The following PPP2R2C variants were observed in gnomAD, a reference collection of about 807,000 sequenced individuals.
PPP2R2C encodes protein phosphatase 2, regulatory subunit B, gamma.
A neutral mutation model predicts 45.3 loss-of-function variants in PPP2R2C; 10 were observed. That is an observed-to-expected ratio of 0.22 (90% confidence interval 0.14 to 0.37). The LOEUF is 0.37. Among genes scored for constraint, PPP2R2C ranks in the 10% least tolerant of loss-of-function variants. The pLI is 1.00. For missense variants in PPP2R2C, 308 were observed against 619.7 expected (o/e 0.50, Z 5.34); for synonymous variants, 257 against 245.4 (o/e 1.05, Z -0.44).
chr4:6,347,910 G>A lies in PPP2R2C; in HGVS notation c.726C>T (p.Ser242=), dbSNP rs745699183. 1.9e-6 allele frequency: 3 copies of A among 1,613,896 alleles called. No homozygotes were observed. The highest frequency in any genetic ancestry group is 2.7e-5 in the African/African-American group (2 of 74,912). ...PHHCNLFVYS[S]SKGSLRLCDM... is the part of the protein sequence containing the mutation. Reference sequence around the variant, plus strand: ...CGCAGAGCCGCAGGGAGCCCTTGCTGCTGCTGTAGACGAAGAGGTTGCAGT... The same window carrying A: ...CGCAGAGCCGCAGGGAGCCCTTGCTACTGCTGTAGACGAAGAGGTTGCAGT... The change falls in exon 6 of 9, where the codon AGC becomes AGT. Residue 242 remains serine, a synonymous_variant. Transcript: ENST00000382599.
At chr4:6,349,398 G>A (rs754027279) in intron 5 of PPP2R2C, 15 of 970,202 alleles carry the variant, frequency 1.5e-5, no homozygotes, top group African/African-American at 1.8e-5. Flanking sequence ...TTATCACTTC[G>A]CTGTGAAGAT....
intron 1 of PPP2R2C, among the ~76,000 whole-genome samples, chr4:6,448,046 A>G (rs1181118367): frequency 1.3e-5 from 2 of 152,146 alleles, no homozygotes; most frequent in Non-Finnish European, 2.9e-5. Flanking sequence ...TGGGAGCCGC[A>G]CTACGACCGG....
chr4:6,416,576 A>T (rs1341078472), intron 1 of PPP2R2C, among the ~76,000 whole-genome samples: 1 of 152,206 alleles, frequency 6.6e-6, no homozygotes, highest in East Asian at 1.9e-4. Flanking sequence ...GTGAAGCAGA[A>T]GCCCTGGCTG....
intron 1 of PPP2R2C, among the ~76,000 whole-genome samples, chr4:6,551,769 C>T (rs950682708): frequency 4.6e-5 from 7 of 152,230 alleles, no homozygotes; most frequent in Admixed American, 3.3e-4. Context: ...TACAGGGAAG[C>T]CACTGTGGGC....
chr4:6,562,923 G>A (rs1725626057), intron 1 of PPP2R2C, among the ~76,000 whole-genome samples: 1 of 150,346 alleles, frequency 6.7e-6, no homozygotes, highest in Non-Finnish European at 1.5e-5. Flanking sequence ...CGCTCTTCGG[G>A]CTCTGGGCGC....
chr4:6,404,764 A>G (rs909095534), intron 1 of PPP2R2C, among the ~76,000 whole-genome samples: 6 of 152,202 alleles, frequency 3.9e-5, no homozygotes, highest in Non-Finnish European at 8.8e-5. Context: ...GAGGCACGGA[A>G]AAGCGAGGTG....
At chr4:6,432,932 GA>G (rs1413058258) in intron 1 of PPP2R2C, among the ~76,000 whole-genome samples, 3 of 152,166 alleles carry the variant, frequency 2.0e-5, no homozygotes, top group Admixed American at 6.5e-5. Flanking sequence ...TCAACATGAA[GA>G]CAACGAGGAT....
chr4:6,414,117 TGTGTG>T, intron 1 of PPP2R2C: 1 of 1,133,874 alleles, frequency 8.8e-7, no homozygotes. Flanking sequence ...TGTGTGTGTG[TGTGTG>T]TACAGGTAAA....
chr4:6,434,041 T>C (rs1249666882), intron 1 of PPP2R2C, among the ~76,000 whole-genome samples: 1 of 152,098 alleles, frequency 6.6e-6, no homozygotes, highest in East Asian at 1.9e-4. Context: ...CACTTTCAGG[T>C]GCATCATCCT....
At chr4:6,360,176 G>A (rs1713599721) in intron 5 of PPP2R2C, among the ~76,000 whole-genome samples, 1 of 152,240 alleles carries the variant, frequency 6.6e-6, no homozygotes, top group Non-Finnish European at 1.5e-5. Flanking sequence ...GAGGCCCAGG[G>A]TGGGCAGTGA....
intron 6 of PPP2R2C, 24 bp downstream of exon 6, chr4:6,347,822 C>T: frequency 6.3e-7 from 1 of 1,586,734 alleles, no homozygotes; most frequent in Non-Finnish European, 8.5e-7. Flanking sequence ...GCACAGCCCC[C>T]CACCCCCAGG....
chr4:6,518,922 T>TTAAAAAAAAAAAAA (rs1354788203), intron 2 of PPP2R2C, among the ~76,000 whole-genome samples: 1 of 92,902 alleles, frequency 1.1e-5, no homozygotes, highest in African/African-American at 6.2e-5. Context: ...GACTCTGTCT[T>TTAAAAAAAAAAAAA]AAAAAAAAAA....
chr4:6,354,873 G>A (rs143888129), intron 5 of PPP2R2C, among the ~76,000 whole-genome samples: 11 of 152,210 alleles, frequency 7.2e-5, no homozygotes, highest in African/African-American at 1.7e-4. Context: ...CAGGTTGTGC[G>A]CACGGAGGAG....
At chr4:6,522,603 C>T (rs899495029) in intron 2 of PPP2R2C, among the ~76,000 whole-genome samples, 4 of 152,276 alleles carry the variant, frequency 2.6e-5, no homozygotes, top group East Asian at 1.9e-4. Flanking sequence ...ACAGGAACCA[C>T]ATTGAGCACT....
chr4:6,510,980 C>CAAAAA (rs752037080), intron 2 of PPP2R2C, among the ~76,000 whole-genome samples: 502 of 41,168 alleles, frequency 0.012, 28 homozygotes, highest in East Asian at 0.046. Context: ...CCGTCTCAAA[C>CAAAAA]AAAAAAAAAC....
At chr4:6,498,306 A>C (rs920474682) in intron 2 of PPP2R2C, among the ~76,000 whole-genome samples, 3 of 152,232 alleles carry the variant, frequency 2.0e-5, no homozygotes, top group African/African-American at 7.2e-5. Flanking sequence ...TTGTGATGCA[A>C]CTTAAAACCA....
At chr4:6,472,670 C>G (rs1479452523), upstream of PPP2R2C, among the ~76,000 whole-genome samples, 2 of 150,424 alleles carry the variant, frequency 1.3e-5, no homozygotes, top group African/African-American at 4.9e-5. Context: ...CTCGCGCCGC[C>G]CGCTCTCCGC....
At chr4:6,350,001 T>C (rs929282970) in intron 5 of PPP2R2C, 2 of 985,288 alleles carry the variant, frequency 2.0e-6, no homozygotes, top group African/African-American at 1.7e-5. Flanking sequence ...AAAGGGTCTC[T>C]GTGCTCGTGC....
At chr4:6,512,548 GTGGTGATGGTGGTGGTGGTGGTGA>G (rs1723680663) in intron 2 of PPP2R2C, among the ~76,000 whole-genome samples, 1 of 127,530 alleles carries the variant, frequency 7.8e-6, no homozygotes, top group Non-Finnish European at 1.7e-5. Flanking sequence ...GGTGGTGATG[GTGGTGATGGTGGTGGTGGTGGTGA>G]TGGTGATGGT....
Sources: allele counts gnomAD v4.1 joint callset (sites outside exome capture counted in the v4.1 genomes callset), GRCh38; gene constraint gnomAD v4.1.1; transcripts MANE v1.5; gene names NCBI Gene and HGNC (gene_info 2026-07-23, HGNC 2026-07-21).